The following GFOD1 variants were observed in gnomAD, a reference collection of about 807,000 sequenced individuals.
The protein encoded by GFOD1 is glucose-fructose oxidoreductase domain-containing protein 1.
A neutral mutation model predicts 25.4 loss-of-function variants in GFOD1; 9 were observed. The observed-to-expected ratio is 0.35, with a 90% CI of 0.21 to 0.62. The LOEUF (loss-of-function observed/expected upper bound fraction) is 0.62. Ranked by LOEUF, GFOD1 falls within the 20% of genes least tolerant of loss-of-function variation. GFOD1 has a pLI of 0.72. For missense variants in GFOD1, 403 were observed against 556.9 expected (o/e 0.72, Z 2.78); for synonymous variants, 253 against 245.6 (o/e 1.03, Z -0.28).
At chr6:13,370,679 G>C (rs1785133419) in intron 1 of GFOD1, among the ~76,000 whole-genome samples, 1 of 149,744 alleles carries the variant, frequency 6.7e-6, no homozygotes, top group African/African-American at 2.5e-5. Flanking sequence ...TAGACTTCTA[G>C]TCAGACACTG....
chr6:13,475,719 AAATAATAATAATAATAAT>A (rs56303574), intron 1 of GFOD1, among the ~76,000 whole-genome samples: 17,391 of 135,432 alleles, frequency 0.13, 1,429 homozygotes, highest in South Asian at 0.27. Context: ...CTCCATCTCA[AAATAATAATAATAATAAT>A]AATAATAATA....
intron 1 of GFOD1, among the ~76,000 whole-genome samples, chr6:13,451,752 G>T (rs182622456): frequency 6.9e-4 from 105 of 152,318 alleles, no homozygotes; most frequent in Non-Finnish European, 1.4e-3. Flanking sequence ...CCAAAGACAC[G>T]CTGGACACCA....
intron 1 of GFOD1, among the ~76,000 whole-genome samples, chr6:13,381,819 T>C (rs142603390): frequency 2.4e-4 from 35 of 148,816 alleles, no homozygotes; most frequent in African/African-American, 7.6e-4. Context: ...CCTCCTCTCA[T>C]GAACACCTCC....
At chr6:13,423,445 C>T (rs1247569980) in intron 1 of GFOD1, among the ~76,000 whole-genome samples, 4 of 152,128 alleles carry the variant, frequency 2.6e-5, no homozygotes, top group East Asian at 3.9e-4. Context: ...GGCCAGATTC[C>T]CAATGACAGA....
chr6:13,471,074 G>A (rs887459324), intron 1 of GFOD1, among the ~76,000 whole-genome samples: 3 of 152,184 alleles, frequency 2.0e-5, no homozygotes, highest in Admixed American at 1.3e-4. Flanking sequence ...AGGGAGTGGA[G>A]AGAGGAGGAA....
intron 1 of GFOD1, among the ~76,000 whole-genome samples, chr6:13,403,431 A>G (rs2127563951): frequency 6.6e-6 from 1 of 152,202 alleles, no homozygotes; most frequent in South Asian, 2.1e-4. Flanking sequence ...CAGCCTGATG[A>G]TAGGTTTTTA....
Position 13,419,665 on chromosome 6 carries a change from C to T in GFOD1, c.254-54003G>A, listed in dbSNP as rs184423419. 9.1e-4 allele frequency among the ~76,000 whole-genome samples: 139 copies of T among 152,262 alleles called. 1 individual carries two copies. The highest frequency in any genetic ancestry group is 2.2e-3 in the African/African-American group (90 of 41,530). On this transcript the variant is annotated intron_variant, in intron 1 of 1. Coordinates refer to ENST00000379287, the MANE Select transcript of GFOD1 (RefSeq NM_018988.4). ...GATCTGCTTCCTCCTCTGCAGCGCC[C>T]GTGCCGCCGCTCCTCTGACTTCTCC...
intron 1 of GFOD1, among the ~76,000 whole-genome samples, chr6:13,415,621 G>A (rs1463982976): frequency 6.6e-6 from 1 of 152,190 alleles, no homozygotes; most frequent in East Asian, 1.9e-4. Context: ...AAGTTCCACA[G>A]GGCATCCAGT....
chr6:13,403,361 G>C (rs534891042), intron 1 of GFOD1, among the ~76,000 whole-genome samples: 2 of 152,058 alleles, frequency 1.3e-5, no homozygotes, highest in African/African-American at 4.8e-5. Flanking sequence ...CCTGACCTCA[G>C]GTGATCCGCC....
Position 13,361,052 on chromosome 6 carries a change from GA to G in GFOD1, c.*3690del. ...ATAGGGTTGTTTTTATGGATTGTAT[GA>G]GATAACATACTTAAAATACTCTGCA... On this transcript the variant is annotated 3_prime_UTR_variant, in exon 2 of 2. Transcript: ENST00000379287. The G allele has an allele frequency of 2.8e-6, 1 of 358,260 alleles. No homozygotes were observed. The highest frequency in any genetic ancestry group is 2.1e-5 in the South Asian group (1 of 48,368). The allele number at this position is 358,260 out of a possible 1,614,324, so 22.2% of individuals were successfully genotyped here. A position where few individuals can be genotyped will look rare whatever the true frequency, so the allele number is the denominator to read the frequency against.
intron 1 of GFOD1, among the ~76,000 whole-genome samples, chr6:13,407,286 G>C (rs1027701947): frequency 1.3e-5 from 2 of 152,220 alleles, no homozygotes; most frequent in South Asian, 2.1e-4. Context: ...ATTTGCTGAA[G>C]AGAAGAAAGG....
At position 13,365,457 on chromosome 6, in the gene GFOD1, G is replaced by A. The variant is rs775823894; in HGVS notation, c.459C>T (p.Gly153=). ...AGTTGTACTTCTTGCCCAGCAGGCT[G>A]CCGCCGTGCACCTGCACCTCACACA... is the stretch of plus-strand genomic sequence containing the variant. ...PLVCEVQVHG[G]SLLGKKYNWS... Residue 153 remains glycine (G), a synonymous_variant, in exon 2 of 2, where the codon GGC becomes GGT. Coordinates refer to ENST00000379287, the MANE Select transcript of GFOD1 (RefSeq NM_018988.4). The surrounding 1 kb of genome is among the most constrained non-coding windows in gnomAD (Gnocchi z 9.2). 1.2e-6 allele frequency: 2 copies of A among 1,613,728 alleles called. No individual in the cohort carries two copies. Among genetic ancestry groups the A allele is most frequent in the Non-Finnish European group, 1.7e-6 (2 of 1,180,004 alleles).
chr6:13,425,877 A>G (rs1259819271), intron 1 of GFOD1, among the ~76,000 whole-genome samples: 2 of 151,110 alleles, frequency 1.3e-5, no homozygotes, highest in African/African-American at 2.4e-5. Flanking sequence ...GCTAGGAAAA[A>G]AAAAAAAAGA....
intron 1 of GFOD1, among the ~76,000 whole-genome samples, chr6:13,428,160 G>C (rs1757676740): frequency 6.6e-6 from 1 of 152,178 alleles, no homozygotes; most frequent in African/African-American, 2.4e-5. Flanking sequence ...AACCATGTGT[G>C]AATTTTGAAC....
chr6:13,427,890 G>C (rs1562216007), intron 1 of GFOD1, among the ~76,000 whole-genome samples: 1 of 152,100 alleles, frequency 6.6e-6, no homozygotes, highest in Non-Finnish European at 1.5e-5. Context: ...GCTGAGCCTC[G>C]TGACATTGTG....
intron 1 of GFOD1, among the ~76,000 whole-genome samples, chr6:13,380,840 T>C (rs1481418854): frequency 1.3e-5 from 2 of 152,144 alleles, no homozygotes; most frequent in Non-Finnish European, 2.9e-5. Flanking sequence ...TCAACAGAGC[T>C]CAGAAACCTC....
At chr6:13,420,894 G>A (rs1390487255) in intron 1 of GFOD1, among the ~76,000 whole-genome samples, 1 of 152,150 alleles carries the variant, frequency 6.6e-6, no homozygotes, top group Non-Finnish European at 1.5e-5. Context: ...GTACATAGAA[G>A]AATTCACTCT....
intron 1 of GFOD1, among the ~76,000 whole-genome samples, chr6:13,389,387 G>A (rs1390321694): frequency 1.3e-5 from 2 of 152,216 alleles, no homozygotes; most frequent in Non-Finnish European, 2.9e-5. Context: ...TGATAGACTG[G>A]ATTAAGAAAT....
intron 1 of GFOD1, among the ~76,000 whole-genome samples, chr6:13,419,316 A>T (rs1786214963): frequency 6.6e-6 from 1 of 152,342 alleles, no homozygotes; most frequent in African/African-American, 2.4e-5. Context: ...GGGGGAAGGA[A>T]GGATGCCAGA....
Sources: allele counts gnomAD v4.1 joint callset (sites outside exome capture counted in the v4.1 genomes callset), GRCh38; gene constraint gnomAD v4.1.1; non-coding constraint Gnocchi (gnomAD v3.1); transcripts MANE v1.5; gene names NCBI Gene and HGNC (gene_info 2026-07-23, HGNC 2026-07-21).